The following CPA1 variants were observed in gnomAD, a reference collection of about 807,000 sequenced individuals.
The protein encoded by CPA1 is carboxypeptidase A1 (pancreatic).
A neutral mutation model predicts 48.7 loss-of-function variants in CPA1; 42 were observed. That is an observed-to-expected ratio of 0.86 (90% CI 0.67 to 1.11). The LOEUF (loss-of-function observed/expected upper bound fraction) is 1.11, where lower values mean the gene tolerates loss of function less well. CPA1 is among the 50% of genes most tolerant of loss of function. CPA1 has a pLI of 0.00. For synonymous variants in CPA1, 203 were observed against 217.9 expected, an observed-to-expected ratio of 0.93 and a Z score of 0.60; for missense variants, 477 against 544.7, an observed-to-expected ratio of 0.88 and a Z score of 1.24.
intron 9 of CPA1, among the ~76,000 whole-genome samples, chr7:130,386,154 T>G (rs928821241): frequency 6.6e-6 from 1 of 152,120 alleles, no homozygotes; most frequent in Non-Finnish European, 1.5e-5. Flanking sequence ...TCCTCTTGTG[T>G]TGGGGCCAAG....
chr7:130,381,701 G>A lies in CPA1; in HGVS notation c.219G>A (p.Gln73=). ...IDVRVPFPSI[Q]AVKIFLESHG... is the part of the protein sequence containing the mutation. The stretch of plus-strand genomic sequence containing the variant: ...TCCGAGTGCCCTTCCCCAGCATCCA[G>A]GCGGTCAAGATCTTTCTGGAGTCCC... Residue 73 remains glutamine, a synonymous_variant, in exon 3 of 10, where the codon CAG becomes CAA. Coordinates refer to ENST00000011292, the MANE Select transcript of CPA1 (RefSeq NM_001868.4). 6.2e-7 allele frequency: 1 copy of A among 1,614,118 alleles called. No homozygotes were observed.
At chr7:130,383,567 C>T (rs2117503431) in intron 5 of CPA1, 75 bp downstream of exon 5, 4 of 1,446,192 alleles carry the variant, frequency 2.8e-6, no homozygotes, top group Non-Finnish European at 3.9e-6. Flanking sequence ...GCCCGGGCCT[C>T]CCTTTGCCCA....
intron 4 of CPA1, among the ~76,000 whole-genome samples, chr7:130,382,620 T>G (rs1350415186): frequency 9.4e-5 from 12 of 127,828 alleles, no homozygotes; most frequent in South Asian, 7.8e-4. Flanking sequence ...CGTGCCACCA[T>G]GCCCGGGTAA....
rs138409610 is a variant in CPA1 at position 130,385,273 on chromosome 7, C to T, written c.915C>T (p.Ile305=). ...GGAACATCAAGGCCTTCATCTCCAT[C>T]CACAGCTACTCCCAGCTCCTCATGT... ...DHGNIKAFIS[I]HSYSQLLMYP... is the part of the protein sequence containing the mutation. Residue 305 remains isoleucine, a synonymous_variant, in exon 8 of 10, where the codon ATC becomes ATT. Coordinates refer to ENST00000011292, the MANE Select transcript of CPA1 (RefSeq NM_001868.4). The T allele has an allele frequency of 1.9e-6, 3 of 1,614,240 alleles. No individual in the cohort carries two copies. The highest frequency in any genetic ancestry group is 2.5e-6 in the Non-Finnish European group (3 of 1,180,040).
intron 4 of CPA1, 59 bp downstream of exon 4, chr7:130,382,268 T>C (rs1023555619): frequency 4.6e-5 from 59 of 1,290,036 alleles, no homozygotes; most frequent in Admixed American, 8.6e-5. Flanking sequence ...GCATCCGTGA[T>C]GGGCGTGGGC....
At position 130,381,758 on chromosome 7, in the gene CPA1, C is replaced by T. The variant is rs782248092; in HGVS notation, c.276C>T (p.Asp92=). Residue 92 remains aspartate (D), a synonymous_variant, in exon 3 of 10, where the codon GAC becomes GAT. Transcript: ENST00000011292. ...TCAGCTATGAGACCATGATCGAGGACGTGCAGTCGCTGCTGGACGAGGAGC... is the reference window on the plus strand; with the variant it reads ...TCAGCTATGAGACCATGATCGAGGATGTGCAGTCGCTGCTGGACGAGGAGC... ...HGISYETMIE[D]VQSLLDEEQE... 8 of 1,614,164 alleles carry T rather than the reference C, an allele frequency of 5.0e-6. No homozygotes were observed. In the African/African-American group the frequency reaches 6.7e-5, roughly 13 times the overall value.
At chr7:130,384,177 G>T in intron 6 of CPA1, 2 of 417,224 alleles carry the variant, frequency 4.8e-6, no homozygotes, top group Non-Finnish European at 4.3e-6. Flanking sequence ...CTATTTTTAC[G>T]GCAAATAAAA....
chr7:130,385,739 G>A (rs1796466159), intron 8 of CPA1, 100 bp from the exon 9 acceptor site: 7 of 888,452 alleles, frequency 7.9e-6, no homozygotes, highest in Admixed American at 4.4e-5. Flanking sequence ...CTTCTGCAGG[G>A]TGCTTCTCCT....
In CPA1 at chr7:130,382,181, A is replaced by G. The variant is rs1796415510; in HGVS notation, c.455A>G (p.Tyr152Cys). 2 of 1,614,096 alleles carry G rather than the reference A, an allele frequency of 1.2e-6. No individual in the cohort carries two copies. Among genetic ancestry groups the G allele is most frequent in the Non-Finnish European group, 1.7e-6 (2 of 1,180,032 alleles). ...AGCAAGATCCAGATTGGCAACACCT[A>G]TGAAGGGCGTCCCATTTACGTGCTG... ...LVSKIQIGNT[Y>C]EGRPIYVLKF... Residue 152 changes from tyrosine to cysteine, a missense_variant, in exon 4 of 10, where the codon TAT becomes TGT. Tyr to Cys is a radical substitution (Grantham distance 194). Transcript: ENST00000011292.
chr7:130,381,110 C>T lies in CPA1; in HGVS notation c.78C>T (p.Leu26=), dbSNP rs782211245. The T allele has an allele frequency of 1.9e-6, 3 of 1,613,262 alleles. No homozygotes were observed. Among genetic ancestry groups the T allele is most frequent in the African/African-American group, 1.3e-5 (1 of 74,854 alleles). The change falls in exon 2 of 10, where the codon CTC becomes CTT. Residue 26 remains leucine, a synonymous_variant. Coordinates refer to ENST00000011292, the MANE Select transcript of CPA1 (RefSeq NM_001868.4). The stretch of plus-strand genomic sequence containing the variant: ...CCACTCTGCCCAGGCATCAGGTGCT[C>T]CGAATCTCTGTAGCCGATGAGGCCC... The part of the protein sequence containing the change: ...GKEDFVGHQV[L]RISVADEAQV...
At position 130,383,413 on chromosome 7, in the gene CPA1, G is replaced by T. The variant is rs114365673; in HGVS notation, c.506G>T (p.Arg169Leu). 6.2e-7 allele frequency: 1 copy of T among 1,614,174 alleles called. No individual in the cohort carries two copies. Among genetic ancestry groups the T allele is most frequent in the South Asian group, 1.1e-5 (1 of 91,068 alleles). Residue 169 changes from arginine (R) to leucine (L), a missense_variant, in exon 5 of 10, where the codon CGT (arginine) becomes CTT (leucine). By Grantham distance (102) the Arg-to-Leu change is moderately radical (BLOSUM62 -2). Transcript: ENST00000011292. ...CAGTTCAGCACGGGGGGCAGTAAGC[G>T]TCCAGCCATCTGGATCGACACGGGC... ...VLKFSTGGSK[R>L]PAIWIDTGIH...
Position 130,388,066 on chromosome 7 carries a change from A to G in CPA1, c.*55A>G. The G allele has an allele frequency of 1.9e-6, 3 of 1,562,826 alleles. No individual in the cohort carries two copies. Among genetic ancestry groups the G allele is most frequent in the Admixed American group, 3.4e-5 (2 of 58,392 alleles). On this transcript the variant is annotated 3_prime_UTR_variant, in exon 10 of 10. Coordinates refer to ENST00000011292, the MANE Select transcript of CPA1 (RefSeq NM_001868.4). ...CTCTCTGGCCCCATCCAGGCAACCA[A>G]ATAAAGTTTGAGTGTACCAGGAACA...
At chr7:130,383,864 A>G in intron 6 of CPA1, 70 bp downstream of exon 6, 1 of 1,126,844 alleles carries the variant, frequency 8.9e-7, no homozygotes, top group Non-Finnish European at 1.4e-6. Flanking sequence ...CAAGTAGTTC[A>G]CCCCTAATCT....
intron 4 of CPA1, among the ~76,000 whole-genome samples, chr7:130,382,633 T>C (rs1554411395): frequency 7.8e-6 from 1 of 128,692 alleles, no homozygotes; most frequent in African/African-American, 3.1e-5. Context: ...CCGGGTAATT[T>C]TTTTTTTTTT....
rs1554412265 is a variant in CPA1 at position 130,387,993 on chromosome 7, C to A, written c.1242C>A (p.Thr414=). 6.2e-7 allele frequency: 1 copy of A among 1,614,098 alleles called. No individual in the cohort carries two copies. The highest frequency in any genetic ancestry group is 8.5e-7 in the Non-Finnish European group (1 of 1,180,010). The part of the protein sequence containing the change: ...WLALLTIMEH[T]LNHPY ...CGCTTCTGACCATCATGGAGCACAC[C>A]CTGAATCACCCCTACTGAGCTGACC... The change falls in exon 10 of 10, where the codon ACC becomes ACA. Residue 414 remains threonine, a synonymous_variant. Transcript: ENST00000011292. This position sits in a 1 kb window ranked among gnomAD's most constrained non-coding sequence, Gnocchi z 4.6.
Position 130,387,933 on chromosome 7 carries a change from C to T in CPA1, c.1182C>T (p.Ser394=). 2 of 1,614,134 alleles carry T rather than the reference C, an allele frequency of 1.2e-6. No individual in the cohort carries two copies. The highest frequency in any genetic ancestry group is 1.7e-6 in the Non-Finnish European group (2 of 1,180,040). Residue 394 remains serine (S), a synonymous_variant, in exon 10 of 10, where the codon TCC becomes TCT. Coordinates refer to ENST00000011292, the MANE Select transcript of CPA1 (RefSeq NM_001868.4). The surrounding 1 kb of genome is among the most constrained non-coding windows in gnomAD (Gnocchi z 4.6). The part of the protein sequence containing the change: ...TGRYGFLLPA[S]QIIPTAKETW... ...GCTATGGCTTCCTGCTGCCAGCCTC[C>T]CAGATCATCCCCACAGCCAAGGAGA...
In CPA1 at chr7:130,381,744, A is replaced by G. The variant is rs1554411212; in HGVS notation, c.262A>G (p.Thr88Ala). ...GGAGTCCCACGGCATCAGCTATGAG[A>G]CCATGATCGAGGACGTGCAGTCGCT... ...FLESHGISYE[T>A]MIEDVQSLLD... The change falls in exon 3 of 10, where the codon ACC (threonine) becomes GCC (alanine). Residue 88 changes from threonine to alanine, a missense_variant. Thr to Ala is a moderately conservative substitution (Grantham distance 58). Coordinates refer to ENST00000011292, the MANE Select transcript of CPA1 (RefSeq NM_001868.4). 1 of 1,614,026 alleles carries G rather than the reference A, an allele frequency of 6.2e-7. No individual in the cohort carries two copies. The highest frequency in any genetic ancestry group is 8.5e-7 in the Non-Finnish European group (1 of 1,180,030).
At position 130,381,668 on chromosome 7, in the gene CPA1, C is replaced by T. The variant is rs1554411199; in HGVS notation, c.186C>T (p.Pro62=). 1.2e-6 allele frequency: 2 copies of T among 1,613,936 alleles called. No homozygotes were observed. Among genetic ancestry groups the T allele is most frequent in the African/African-American group, 2.7e-5 (2 of 74,938 alleles). ...FWRGPAHPGS[P]IDVRVPFPSI... ...GGGGGCCTGCCCACCCTGGCTCCCC[C>T]ATCGACGTCCGAGTGCCCTTCCCCA... Residue 62 remains proline, a synonymous_variant, in exon 3 of 10, where the codon CCC becomes CCT. Transcript: ENST00000011292.
chr7:130,384,700 G>A (rs1451120008), intron 7 of CPA1, 74 bp downstream of exon 7: 50 of 1,267,092 alleles, frequency 3.9e-5, no homozygotes, highest in East Asian at 1.6e-4. Context: ...CTTGCTCCCC[G>A]CCTCTCTCCT....
Sources: gnomAD v4.1 joint callset for allele counts (sites outside exome capture counted in the v4.1 genomes callset) on GRCh38, gnomAD v4.1.1 for gene constraint, Gnocchi (gnomAD v3.1) non-coding constraint, MANE v1.5 for transcripts, NCBI Gene and HGNC (gene_info 2026-07-23, HGNC 2026-07-21) for gene names.